The following VWA8 variants were observed in gnomAD, a reference collection of about 807,000 sequenced individuals.
The protein encoded by VWA8 is von Willebrand factor A domain containing 8.
In VWA8, 221 loss-of-function variants were observed where a neutral mutation model predicts 241.5. That is an observed-to-expected ratio of 0.91 (90% CI 0.82 to 1.02). The LOEUF is 1.02. Among genes scored for constraint, VWA8 ranks in the 50% least tolerant of loss-of-function variants. The probability of loss-of-function intolerance (pLI) is 0.00; values close to 1 mark genes in which losing one functional copy is unlikely to be tolerated. For missense variants in VWA8, 2,322 were observed against 2,328.7 expected, an observed-to-expected ratio of 1.00 and a Z score of 0.06; for synonymous variants, 852 against 827.1, an observed-to-expected ratio of 1.03 and a Z score of -0.52.
chr13:41,828,011 A>G (rs1286853904), intron 14 of VWA8, among the ~76,000 whole-genome samples: 1 of 152,210 alleles, frequency 6.6e-6, no homozygotes, highest in Non-Finnish European at 1.5e-5. Flanking sequence ...TTCACATGCA[A>G]ATAATGTGCC....
At chr13:41,814,520 G>A (rs1259117340) in intron 16 of VWA8, among the ~76,000 whole-genome samples, 1 of 152,182 alleles carries the variant, frequency 6.6e-6, no homozygotes, top group African/African-American at 2.4e-5. Context: ...AAGAGAGTTT[G>A]TAGAAACTGA....
At chr13:41,907,004 T>C (rs1875750428) in intron 4 of VWA8, among the ~76,000 whole-genome samples, 1 of 152,196 alleles carries the variant, frequency 6.6e-6, no homozygotes, top group African/African-American at 2.4e-5. Context: ...TATGAATTGC[T>C]TATTTATAGG....
chr13:41,912,004 G>A (rs767550686), intron 3 of VWA8, 34 bp downstream of exon 3: 12 of 1,501,126 alleles, frequency 8.0e-6, no homozygotes, highest in South Asian at 5.9e-5. Context: ...ACAAAGTTAA[G>A]ACCCTTAGAA....
chr13:41,690,006 TA>T (rs1187581860), intron 33 of VWA8, among the ~76,000 whole-genome samples, 159 bp downstream of exon 33: 1 of 152,162 alleles, frequency 6.6e-6, no homozygotes, highest in Non-Finnish European at 1.5e-5. Flanking sequence ...CAATTTGAGA[TA>T]CTAGATTCTT....
At position 41,611,610 on chromosome 13, in the gene VWA8, C is replaced by A; in HGVS notation, c.4843G>T (p.Ala1615Ser). 1.2e-6 allele frequency: 2 copies of A among 1,614,100 alleles called. No individual in the cohort carries two copies. The highest frequency in any genetic ancestry group is 1.1e-5 in the South Asian group (1 of 91,080). ...AATGCTCTCTGGCCCATCTCTCTAG[C>A]AGCTCTCTTGACCTCTTCGGGAACT... ...DAVPEEVKRAAREMGQRAFQQ... is the reference protein window; with the variant it reads ...DAVPEEVKRASREMGQRAFQQ... Residue 1615 changes from alanine (A) to serine (S), a missense_variant, in exon 39 of 45, where the codon GCT becomes TCT. Transcript: ENST00000379310.
chr13:41,849,169 T>C (rs9562357), intron 12 of VWA8, among the ~76,000 whole-genome samples: 110,887 of 152,092 alleles, frequency 0.73, 41,315 homozygotes, highest in East Asian at 0.89. Context: ...AAGTTCTACG[T>C]ATTCAGAAAG....
In VWA8 at chr13:41,719,638, G is replaced by C. The variant is rs757024631; in HGVS notation, c.3069C>G (p.Tyr1023Ter). 2 of 1,613,090 alleles carry C rather than the reference G, an allele frequency of 1.2e-6. No homozygotes were observed. The highest frequency in any genetic ancestry group is 8.5e-7 in the Non-Finnish European group (1 of 1,179,384). Residue 1023 changes from tyrosine to a stop codon, truncating the protein, a stop_gained, in exon 26 of 45, where the codon TAC becomes TAG. Coordinates refer to ENST00000379310, the MANE Select transcript of VWA8 (RefSeq NM_015058.2). LOFTEE classifies it high-confidence loss of function. ...TAGGCTTTGCTCCGATAGGTATCCC[G>C]TATTTGTGTAAAGTGTTAATCAATA... Reference protein sequence around the residue: ...REILINTLHKYGIPIGAKPTS... With the variant: ...REILINTLHK
At chr13:41,645,856 C>G (rs189303663) in intron 37 of VWA8, among the ~76,000 whole-genome samples, 4 of 152,020 alleles carry the variant, frequency 2.6e-5, no homozygotes, top group Admixed American at 1.3e-4. Flanking sequence ...TCTTCACTTA[C>G]TTTTATTTTT....
At chr13:41,634,640 T>C (rs1046676275) in intron 37 of VWA8, among the ~76,000 whole-genome samples, 1 of 152,234 alleles carries the variant, frequency 6.6e-6, no homozygotes, top group Non-Finnish European at 1.5e-5. Flanking sequence ...GCATGGCCTA[T>C]AACTCTCTGT....
At chr13:41,749,489 G>T (rs138936898) in intron 21 of VWA8, among the ~76,000 whole-genome samples, 1 of 152,210 alleles carries the variant, frequency 6.6e-6, no homozygotes, top group Non-Finnish European at 1.5e-5. Flanking sequence ...TTTTGACCCA[G>T]CCATCCCATT....
intron 40 of VWA8, among the ~76,000 whole-genome samples, chr13:41,594,738 T>C (rs142061294): frequency 7.8e-4 from 119 of 152,340 alleles, no homozygotes; most frequent in Non-Finnish European, 1.6e-3. Context: ...TTGGTTAAAA[T>C]TCCTAACTAT....
At chr13:41,919,457 C>T (rs1202853150) in intron 2 of VWA8, among the ~76,000 whole-genome samples, 1 of 152,150 alleles carries the variant, frequency 6.6e-6, no homozygotes, top group African/African-American at 2.4e-5. Context: ...GCCTGAGCTG[C>T]TACTGTGTTG....
At chr13:41,899,947 A>G (rs1007204120) in intron 4 of VWA8, among the ~76,000 whole-genome samples, 1 of 152,170 alleles carries the variant, frequency 6.6e-6, no homozygotes, top group Non-Finnish European at 1.5e-5. Flanking sequence ...GTTCTTTCAT[A>G]CCTACGTTTC....
intron 16 of VWA8, among the ~76,000 whole-genome samples, chr13:41,815,828 C>T (rs1870666075): frequency 6.6e-6 from 1 of 152,104 alleles, no homozygotes. Flanking sequence ...ATATAATATT[C>T]CAGGAGAAAG....
intron 14 of VWA8, among the ~76,000 whole-genome samples, chr13:41,826,654 G>A (rs149817672): frequency 0.013 from 1,950 of 152,202 alleles, 22 homozygotes; most frequent in South Asian, 0.037. Flanking sequence ...AGGATCCCTT[G>A]AGGCCAGCAG....
chr13:41,829,802 G>A (rs2137998653), intron 14 of VWA8, among the ~76,000 whole-genome samples: 1 of 152,214 alleles, frequency 6.6e-6, no homozygotes, highest in Non-Finnish European at 1.5e-5. Flanking sequence ...CTTGTGGGGG[G>A]CGGTGAGGGA....
intron 37 of VWA8, among the ~76,000 whole-genome samples, chr13:41,636,189 T>G (rs913914282): frequency 4.6e-5 from 7 of 152,044 alleles, no homozygotes; most frequent in African/African-American, 1.7e-4. Context: ...CAAACTACAC[T>G]ACAAGGCTAC....
At chr13:41,846,691 G>C (rs1481549155) in intron 12 of VWA8, among the ~76,000 whole-genome samples, 3 of 152,116 alleles carry the variant, frequency 2.0e-5, no homozygotes, top group Non-Finnish European at 4.4e-5. Flanking sequence ...TAATATTAAA[G>C]CAGGTAAAAA....
At chr13:41,615,545 A>C (rs907642325) in intron 37 of VWA8, among the ~76,000 whole-genome samples, 2 of 152,218 alleles carry the variant, frequency 1.3e-5, no homozygotes, top group Admixed American at 1.3e-4. Context: ...ATGCCATTTT[A>C]CATATAATAT....
Sources: allele counts gnomAD v4.1 joint callset (sites outside exome capture counted in the v4.1 genomes callset), GRCh38; gene constraint gnomAD v4.1.1; transcripts MANE v1.5; gene names NCBI Gene and HGNC (gene_info 2026-07-23, HGNC 2026-07-21).